Variants in WDFY4 observed in about 807,000 individuals in gnomAD.
WDFY4 encodes WDFY family member 4.
Under a neutral mutation model 351.9 loss-of-function variants are expected in WDFY4, and 169 were observed. The ratio of observed to expected loss-of-function variants is 0.48; its 90% CI spans 0.42 to 0.55. The LOEUF (loss-of-function observed/expected upper bound fraction) is 0.55, where lower values mean the gene tolerates loss of function less well. WDFY4 is among the 20% of genes least tolerant of loss of function. The probability of loss-of-function intolerance (pLI) is 0.00; values close to 1 mark genes in which losing one functional copy is unlikely to be tolerated. For synonymous variants in WDFY4, 1,622 were observed against 1,574.6 expected (o/e 1.03, Z -0.71); for missense variants, 3,803 against 3,935.6 (o/e 0.97, Z 0.90).
Position 48,731,550 on chromosome 10 carries a change from A to C in WDFY4, c.1570A>C (p.Met524Leu). 6.4e-7 allele frequency: 1 copy of C among 1,550,692 alleles called. No homozygotes were observed. The highest frequency in any genetic ancestry group is 8.7e-7 in the Non-Finnish European group (1 of 1,146,760). The change falls in exon 9 of 62, where the codon ATG becomes CTG. Residue 524 changes from methionine to leucine, a missense_variant. Met to Leu is a conservative substitution (Grantham distance 15). Transcript: ENST00000325239. ...LAQLRKQAKI[M>L]RKSGNKVSTP... Reference sequence around the variant, plus strand: ...ACAGCTTCGGAAGCAAGCCAAGATCATGAGGAAGTCAGGTGCCACTGGGTG... The same window carrying C: ...ACAGCTTCGGAAGCAAGCCAAGATCCTGAGGAAGTCAGGTGCCACTGGGTG...
At chr10:48,838,566 GA>G (rs147013290) in intron 39 of WDFY4, among the ~76,000 whole-genome samples, 1 of 150,094 alleles carries the variant, frequency 6.7e-6, no homozygotes, top group South Asian at 2.1e-4. Context: ...TTATCTTTTT[GA>G]AAAAAAAATC....
intron 40 of WDFY4, among the ~76,000 whole-genome samples, chr10:48,867,725 C>G (rs1308813438): frequency 1.3e-5 from 2 of 152,174 alleles, no homozygotes; most frequent in African/African-American, 2.4e-5. Context: ...CAGACTGTGG[C>G]TGATAGAGAA....
At chr10:48,847,682 A>T (rs958717700) in intron 39 of WDFY4, among the ~76,000 whole-genome samples, 1 of 152,316 alleles carries the variant, frequency 6.6e-6, no homozygotes. Context: ...GACACCCACA[A>T]AGGAAAGCAG....
chr10:48,980,376 G>A (rs899869115), intron 60 of WDFY4, among the ~76,000 whole-genome samples: 3 of 152,180 alleles, frequency 2.0e-5, no homozygotes, highest in Non-Finnish European at 2.9e-5. Flanking sequence ...TCCTCTTGGC[G>A]TGTATATTAC....
At chr10:48,894,037 A>G (rs1457175598) in intron 44 of WDFY4, among the ~76,000 whole-genome samples, 1 of 152,186 alleles carries the variant, frequency 6.6e-6, no homozygotes, top group Non-Finnish European at 1.5e-5. Flanking sequence ...AGTATTGTCG[A>G]AGACTCCCAA....
intron 51 of WDFY4, among the ~76,000 whole-genome samples, chr10:48,951,170 TC>T (rs1192586874): frequency 6.6e-6 from 1 of 152,230 alleles, no homozygotes; most frequent in Non-Finnish European, 1.5e-5. Context: ...CATACTTATA[TC>T]CTTGCTGTGT....
intron 47 of WDFY4, among the ~76,000 whole-genome samples, chr10:48,938,696 C>T (rs1446461033): frequency 6.6e-6 from 1 of 152,208 alleles, no homozygotes. Flanking sequence ...CAGTAGCGCT[C>T]AAGCTTCTGA....
chr10:48,778,597 G>T lies in WDFY4; in HGVS notation c.3176-14G>T. ...CAGAACAAAGCCTGAGGGCATGCCTGTGTTCCCACCCAGGTGCCACCAGAC... is the reference window on the plus strand; with the variant it reads ...CAGAACAAAGCCTGAGGGCATGCCTTTGTTCCCACCCAGGTGCCACCAGAC... On this transcript the variant is annotated splice_polypyrimidine_tract_variant and intron_variant, in intron 17 of 61. Transcript: ENST00000325239. 2 of 1,549,490 alleles carry T rather than the reference G, an allele frequency of 1.3e-6. No homozygotes were observed. Among genetic ancestry groups the T allele is most frequent in the Non-Finnish European group, 1.7e-6 (2 of 1,146,682 alleles).
intron 47 of WDFY4, among the ~76,000 whole-genome samples, chr10:48,935,811 C>T (rs1261134694): frequency 6.6e-6 from 1 of 152,114 alleles, no homozygotes; most frequent in Non-Finnish European, 1.5e-5. Flanking sequence ...AATGAACACA[C>T]AGCAGTAAGC....
intron 12 of WDFY4, among the ~76,000 whole-genome samples, chr10:48,744,353 G>A (rs981751260): frequency 6.6e-6 from 1 of 152,332 alleles, no homozygotes; most frequent in Non-Finnish European, 1.5e-5. Flanking sequence ...CAGTGTTGGG[G>A]ATGGTAGAGA....
chr10:48,904,764 A>G (rs1837531569), intron 47 of WDFY4, among the ~76,000 whole-genome samples: 1 of 152,202 alleles, frequency 6.6e-6, no homozygotes, highest in African/African-American at 2.4e-5. Context: ...CCCATCCCAG[A>G]ACCAATCAAG....
At chr10:48,967,639 TG>T in intron 55 of WDFY4, 1 of 145,876 alleles carries the variant, frequency 6.9e-6, no homozygotes. Flanking sequence ...TCCACTGGGG[TG>T]GGGGTGGTCC....
rs1200722320 is a variant in WDFY4 at position 48,941,817 on chromosome 10, G to A, written c.7598G>A (p.Gly2533Asp). ...EDTLSLRRYP[G>D]SDRIMLQKWQ... ...TTTCTGTCCCACAGGAGATACCCCG[G>A]CTCTGACAGGATCATGCTGCAGAAG... Residue 2533 changes from glycine (G) to aspartate (D), a missense_variant, in exon 48 of 62, where the codon GGC (glycine) becomes GAC (aspartate). Around this residue, in one of 3 missense-constraint regions of WDFY4, gnomAD observed 3,054 missense variants for 3,148.6 expected, o/e 0.97. Transcript: ENST00000325239. 2 of 1,552,186 alleles carry A rather than the reference G, an allele frequency of 1.3e-6. No individual in the cohort carries two copies. The highest frequency in any genetic ancestry group is 8.7e-7 in the Non-Finnish European group (1 of 1,147,072).
chr10:48,935,684 A>G lies in WDFY4; in HGVS notation c.7587-6122A>G, dbSNP rs138643331. 5.5e-3 allele frequency among the ~76,000 whole-genome samples: 838 copies of G among 152,076 alleles called. 3 individuals are homozygous for G. Among genetic ancestry groups the G allele is most frequent in the East Asian group, 0.014 (74 of 5,178 alleles). On this transcript the variant is annotated intron_variant, in intron 47 of 61. Coordinates refer to ENST00000325239, the MANE Select transcript of WDFY4 (RefSeq NM_001394531.1). ...TTGTTTCTCTTTGCACCCTTTTTCC[A>G]CTGTTAAATCAGAGTAGCTACAATA... is the stretch of plus-strand genomic sequence containing the variant.
rs2067776944 is a variant in WDFY4, at chr10:48,820,374, G to A, written c.5646G>A (p.Leu1882=). Residue 1882 remains leucine (L), a synonymous_variant, in exon 33 of 62, where the codon TTG becomes TTA. Coordinates refer to ENST00000325239, the MANE Select transcript of WDFY4 (RefSeq NM_001394531.1). ...TGAGGGAGTTCACGCAGCTCCTCTTGAGGGAGCTCCTGCTTGGAGCCTCCA... is the reference window on the plus strand; with the variant it reads ...TGAGGGAGTTCACGCAGCTCCTCTTAAGGGAGCTCCTGCTTGGAGCCTCCA... ...RKLREFTQLL[L]RELLLGASSP... 1 of 1,551,502 alleles carries A rather than the reference G, an allele frequency of 6.4e-7. No individual in the cohort carries two copies. The highest frequency in any genetic ancestry group is 1.2e-5 in the South Asian group (1 of 84,056).
At chr10:48,870,082 C>T (rs1231135402) in intron 40 of WDFY4, among the ~76,000 whole-genome samples, 1 of 152,170 alleles carries the variant, frequency 6.6e-6, no homozygotes, top group Non-Finnish European at 1.5e-5. Flanking sequence ...GTTGGCCCAT[C>T]CTATAACCAT....
At position 48,890,431 on chromosome 10, in the gene WDFY4, C is replaced by A. The variant is rs569556216; in HGVS notation, c.7168-148C>A. ...CATAGGCTGTGAAGAGCAGTACAGTCCTGGGACAGCGGGACTGCCATTCAT... is the reference window on the plus strand; with the variant it reads ...CATAGGCTGTGAAGAGCAGTACAGTACTGGGACAGCGGGACTGCCATTCAT... On this transcript the variant is annotated intron_variant, in intron 43 of 61. Transcript: ENST00000325239. The A allele has an allele frequency of 1.3e-3, 1,231 of 983,882 alleles. 7 individuals are homozygous for A. The African/African-American group carries it at 0.018, about 14-fold the overall frequency. The allele number at this position is 983,882 out of a possible 1,614,324, so 60.9% of individuals were successfully genotyped here. A position where few individuals can be genotyped will look rare whatever the true frequency, so the allele number is the denominator to read the frequency against.
At chr10:48,951,042 T>C (rs1449264054) in intron 51 of WDFY4, among the ~76,000 whole-genome samples, 2 of 152,238 alleles carry the variant, frequency 1.3e-5, no homozygotes, top group Admixed American at 6.5e-5. Flanking sequence ...GCAGAGACTG[T>C]GGACAGCACA....
In WDFY4 at chr10:48,811,553, C is replaced by G. The variant is rs1258195013; in HGVS notation, c.5059C>G (p.Gln1687Glu). ...VDIVMDNLKS[Q>E]SPLPEQSPCL... Reference sequence around the variant, plus strand: ...CTGATCAATAGACAACCTGAAGAGCCAGTCACCACTGCCTGAGCAAAGCCC... The same window carrying G: ...CTGATCAATAGACAACCTGAAGAGCGAGTCACCACTGCCTGAGCAAAGCCC... Residue 1687 changes from glutamine (Q) to glutamate (E), a missense_variant, in exon 30 of 62, where the codon CAG becomes GAG. Transcript: ENST00000325239. 6.4e-7 allele frequency: 1 copy of G among 1,552,230 alleles called. No individual in the cohort carries two copies. Among genetic ancestry groups the G allele is most frequent in the South Asian group, 1.2e-5 (1 of 84,058 alleles).
Sources: allele counts gnomAD v4.1 joint callset (sites outside exome capture counted in the v4.1 genomes callset), GRCh38; gene constraint gnomAD v4.1.1; regional missense constraint gnomAD v4.1.1; transcripts MANE v1.5; gene names NCBI Gene and HGNC (gene_info 2026-07-23, HGNC 2026-07-21).